PRDM11: variants seen among roughly 807,000 people sequenced by gnomAD.
The protein encoded by PRDM11 is PR domain-containing protein 11.
Under a neutral mutation model 97.8 loss-of-function variants are expected in PRDM11, and 20 were observed. That is an observed-to-expected ratio of 0.20 (90% CI 0.14 to 0.30). The LOEUF (loss-of-function observed/expected upper bound fraction) is 0.30, where lower values mean the gene tolerates loss of function less well. Among genes scored for constraint, PRDM11 ranks in the 10% least tolerant of loss-of-function variants. PRDM11 has a pLI of 1.00. For synonymous variants in PRDM11, 599 were observed against 637.7 expected (o/e 0.94, Z 0.91); for missense variants, 1,139 against 1,555.2 (o/e 0.73, Z 4.50).
chr11:45,224,383 G>A lies in PRDM11; in HGVS notation c.909G>A (p.Leu303=). The change falls in exon 7 of 8, where the codon CTG becomes CTA. Residue 303 remains leucine, a synonymous_variant. Coordinates refer to ENST00000683152, the MANE Select transcript of PRDM11 (RefSeq NM_001384648.1). ...AAGCTAAGAAGAAGAAAATTGACCT[G>A]ATTTTCAAGGATGTTCTGGAGGCCT... ...HPQAKKKKID[L]IFKDVLEASL... is the part of the protein sequence containing the mutation. The A allele has an allele frequency of 8.1e-6, 13 of 1,614,196 alleles. No homozygotes were observed. Among genetic ancestry groups the A allele is most frequent in the Non-Finnish European group, 1.1e-5 (13 of 1,180,034 alleles).
chr11:45,147,151 C>T (rs1030221464), intron 1 of PRDM11, among the ~76,000 whole-genome samples: 14 of 151,616 alleles, frequency 9.2e-5, no homozygotes, highest in Non-Finnish European at 1.9e-4. Flanking sequence ...CCTCCTTCCT[C>T]CCAGCTCGCT....
chr11:45,159,084 C>T (rs919498199), intron 1 of PRDM11, among the ~76,000 whole-genome samples: 17 of 152,200 alleles, frequency 1.1e-4, no homozygotes, highest in African/African-American at 2.4e-4. Flanking sequence ...GTCTGCTCCC[C>T]GGGCTTCGGT....
intron 4 of PRDM11, among the ~76,000 whole-genome samples, chr11:45,187,011 C>A (rs538606820): frequency 9.2e-5 from 14 of 152,176 alleles, no homozygotes; most frequent in Admixed American, 4.6e-4. Context: ...ATACACAGAG[C>A]AACTCCAGAG....
intron 1 of PRDM11, among the ~76,000 whole-genome samples, chr11:45,098,640 T>G (rs1445430658): frequency 2.0e-5 from 3 of 152,084 alleles, no homozygotes; most frequent in Non-Finnish European, 4.4e-5. Context: ...CTACCATGAC[T>G]ATGGGGTGGT....
At chr11:45,212,335 C>T (rs558776358) in intron 5 of PRDM11, 10 of 326,744 alleles carry the variant, frequency 3.1e-5, no homozygotes, top group Middle Eastern at 1.1e-3. Context: ...TCTCTATGGG[C>T]GGGGGCCAAA....
At chr11:45,102,291 A>G (rs569255981) in intron 1 of PRDM11, among the ~76,000 whole-genome samples, 2 of 152,252 alleles carry the variant, frequency 1.3e-5, no homozygotes, top group South Asian at 2.1e-4. Context: ...GAGGCTGAGC[A>G]GAGTCACAGG....
At position 45,209,564 on chromosome 11, in the gene PRDM11, G is replaced by A. The variant is rs994994029; in HGVS notation, c.554+4786G>A. On this transcript the variant is annotated intron_variant, in intron 5 of 7. Transcript: ENST00000683152. ...AACCCCACGCAGGCCCTGCTCTTGGGGAGACCCTGGACTCCTAGGAATAAA... is the reference window on the plus strand; with the variant it reads ...AACCCCACGCAGGCCCTGCTCTTGGAGAGACCCTGGACTCCTAGGAATAAA... 2.0e-5 allele frequency among the ~76,000 whole-genome samples: 3 copies of A among 152,170 alleles called. No individual in the cohort carries two copies. The East Asian group carries it at 5.8e-4, about 29-fold the overall frequency.
At chr11:45,173,322 A>G (rs1324693740) in intron 1 of PRDM11, among the ~76,000 whole-genome samples, 1 of 152,120 alleles carries the variant, frequency 6.6e-6, no homozygotes, top group Admixed American at 6.5e-5. Flanking sequence ...GTGAGAAGCA[A>G]ACACATAAAA....
At chr11:45,135,638 T>C (rs1202944252) in intron 1 of PRDM11, among the ~76,000 whole-genome samples, 1 of 152,106 alleles carries the variant, frequency 6.6e-6, no homozygotes, top group African/African-American at 2.4e-5. Flanking sequence ...AGAAGCAAAC[T>C]ATAAAACTTC....
At chr11:45,125,645 C>T (rs994662479) in intron 1 of PRDM11, among the ~76,000 whole-genome samples, 20 of 152,020 alleles carry the variant, frequency 1.3e-4, no homozygotes, top group East Asian at 5.8e-4. Context: ...TGTAGTTGAG[C>T]GGTTTTGAGT....
intron 5 of PRDM11, chr11:45,212,529 G>C: frequency 4.4e-6 from 2 of 455,056 alleles, no homozygotes; most frequent in Non-Finnish European, 8.8e-6. Context: ...CCTCTGCAGC[G>C]GTCTCCGGAG....
rs1854285031 is a variant in PRDM11 at position 45,226,773 on chromosome 11, G to A, written c.2148G>A (p.Leu716=). The A allele has an allele frequency of 6.5e-7, 1 of 1,533,964 alleles. No individual in the cohort carries two copies. Among genetic ancestry groups the A allele is most frequent in the East Asian group, 2.4e-5 (1 of 40,912 alleles). Residue 716 remains leucine (L), a synonymous_variant, in exon 8 of 8, where the codon TTG becomes TTA. Coordinates refer to ENST00000683152, the MANE Select transcript of PRDM11 (RefSeq NM_001384648.1). ...CACTTGACCGGGCCTTCTCGGCCTT[G>A]GGCATCCGGTTGCAGGATGAAAAGC... ...LQALDRAFSA[L]GIRLQDEKPT... is the part of the protein sequence containing the mutation.
chr11:45,182,240 G>A lies in PRDM11; in HGVS notation c.120-6G>A. On this transcript the variant is annotated splice_region_variant and splice_polypyrimidine_tract_variant and intron_variant, in intron 2 of 7. Coordinates refer to ENST00000683152, the MANE Select transcript of PRDM11 (RefSeq NM_001384648.1). The stretch of plus-strand genomic sequence containing the variant: ...TGCTTTCTTTGCGGGCCTCTGCCCT[G>A]GCCAGCTCTAGGAGACCGGACTCCT... 6.2e-7 allele frequency: 1 copy of A among 1,613,452 alleles called. No homozygotes were observed. Among genetic ancestry groups the A allele is most frequent in the Non-Finnish European group, 8.5e-7 (1 of 1,179,652 alleles).
At chr11:45,130,140 TA>T (rs1852686082) in intron 1 of PRDM11, among the ~76,000 whole-genome samples, 1 of 152,048 alleles carries the variant, frequency 6.6e-6, no homozygotes, top group African/African-American at 2.4e-5. Context: ...AAATGGATTC[TA>T]GATCTACATG....
At chr11:45,186,050 T>G (rs569316321) in intron 4 of PRDM11, among the ~76,000 whole-genome samples, 15 of 152,132 alleles carry the variant, frequency 9.9e-5, no homozygotes, top group African/African-American at 3.6e-4. Context: ...AAGAAACACA[T>G]TAATTCCCAG....
intron 1 of PRDM11, among the ~76,000 whole-genome samples, chr11:45,105,705 C>T (rs547232859): frequency 3.9e-5 from 6 of 152,354 alleles, no homozygotes; most frequent in South Asian, 4.1e-4. Flanking sequence ...GCCACAACAA[C>T]AATTGCCAGG....
intron 1 of PRDM11, among the ~76,000 whole-genome samples, chr11:45,100,859 G>A (rs777237494): frequency 2.9e-4 from 44 of 152,190 alleles, no homozygotes; most frequent in Non-Finnish European, 5.4e-4. Context: ...GGTAGGAACT[G>A]GGTTAGTCCC....
chr11:45,200,228 C>T (rs1365053289), intron 4 of PRDM11, among the ~76,000 whole-genome samples: 1 of 152,212 alleles, frequency 6.6e-6, no homozygotes, highest in Non-Finnish European at 1.5e-5. Flanking sequence ...ACCCAGCAGA[C>T]AGTGGTCTCA....
At chr11:45,100,632 G>C (rs1021655957) in intron 1 of PRDM11, among the ~76,000 whole-genome samples, 1 of 152,182 alleles carries the variant, frequency 6.6e-6, no homozygotes, top group Admixed American at 6.5e-5. Flanking sequence ...GTGGTATGTT[G>C]ACATCAGAGA....
Sources: gnomAD v4.1 joint callset for allele counts (sites outside exome capture counted in the v4.1 genomes callset) on GRCh38, gnomAD v4.1.1 for gene constraint, MANE v1.5 for transcripts, NCBI Gene and HGNC (gene_info 2026-07-23, HGNC 2026-07-21) for gene names.